The following NMT1 variants were observed in gnomAD, a reference collection of about 807,000 sequenced individuals.
The protein encoded by NMT1 is N-myristoyltransferase 1, also known as glycylpeptide N-tetradecanoyltransferase 1.
NMT1 carries 12 observed loss-of-function variants against 63.4 expected under a neutral mutation model. The ratio of observed to expected loss-of-function variants is 0.19; its 90% CI spans 0.12 to 0.31. NMT1 has a LOEUF of 0.31. Among genes scored for constraint, NMT1 ranks in the 10% least tolerant of loss-of-function variants. The pLI, the probability that NMT1 is intolerant of heterozygous loss-of-function variation, is 1.00. For missense variants in NMT1, 432 were observed against 634.6 expected, an observed-to-expected ratio of 0.68 and a Z score of 3.43; for synonymous variants, 228 against 234.3, an observed-to-expected ratio of 0.97 and a Z score of 0.25.
intron 4 of NMT1, among the ~76,000 whole-genome samples, chr17:45,095,629 G>A (rs765147613): frequency 6.6e-6 from 1 of 152,104 alleles, no homozygotes; most frequent in Admixed American, 6.6e-5. Flanking sequence ...ATAATTAGCC[G>A]GACATGGTAG....
chr17:45,105,784 A>C lies in NMT1; in HGVS notation c.*145A>C. 3 of 743,276 alleles carry C rather than the reference A, an allele frequency of 4.0e-6. No individual in the cohort carries two copies. Among genetic ancestry groups the C allele is most frequent in the Non-Finnish European group, 6.5e-6 (3 of 459,160 alleles). The allele number at this position is 743,276 out of a possible 1,614,324, so 46.0% of individuals were successfully genotyped here. On this transcript the variant is annotated 3_prime_UTR_variant, in exon 12 of 12. Coordinates refer to ENST00000258960, the MANE Select transcript of NMT1 (RefSeq NM_021079.5). The surrounding 1 kb of genome is among the most constrained non-coding windows in gnomAD (Gnocchi z 4.2). ...AACCGGCTTTACCAAACCGCCAGCG[A>C]ACTTGACAATTGTATTGCGATGGCG...
At chr17:45,098,149 TA>T (rs1484830548) in intron 6 of NMT1, among the ~76,000 whole-genome samples, 2 of 152,164 alleles carry the variant, frequency 1.3e-5, no homozygotes, top group Non-Finnish European at 2.9e-5. Flanking sequence ...TACCTTCAAA[TA>T]AAGGTGTTTG....
intron 1 of NMT1, among the ~76,000 whole-genome samples, chr17:45,065,826 T>A (rs1467059846): frequency 6.6e-6 from 1 of 151,648 alleles, no homozygotes; most frequent in Non-Finnish European, 1.5e-5. Flanking sequence ...CTAAAATGTG[T>A]AATATATAAT....
chr17:45,096,147 T>C lies in NMT1; in HGVS notation c.505-47T>C, dbSNP rs1358028347. 4.8e-6 allele frequency: 7 copies of C among 1,446,090 alleles called. No individual in the cohort carries two copies. The African/African-American group carries it at 7.0e-5, about 14-fold the overall frequency. The allele number at this position is 1,446,090 out of a possible 1,614,324, so 89.6% of individuals were successfully genotyped here. On this transcript the variant is annotated intron_variant, in intron 4 of 11. Coordinates refer to ENST00000258960, the MANE Select transcript of NMT1 (RefSeq NM_021079.5). ...GAGCCCCAGGGTATTGGAGTTGGTCTACTACCTGGCAGAATACCTCCAAGT... is the reference window on the plus strand; with the variant it reads ...GAGCCCCAGGGTATTGGAGTTGGTCCACTACCTGGCAGAATACCTCCAAGT...
chr17:45,096,724 C>A (rs1392013173), intron 5 of NMT1, among the ~76,000 whole-genome samples: 2 of 152,160 alleles, frequency 1.3e-5, no homozygotes, highest in Non-Finnish European at 2.9e-5. Context: ...GAGGGACTAC[C>A]TGAAAGGGAA....
Position 45,107,817 on chromosome 17 carries a change from T to G in NMT1, c.*2178T>G, listed in dbSNP as rs1157100100. 4 of 152,324 alleles carry G rather than the reference T, an allele frequency of 2.6e-5. No individual in the cohort carries two copies. Among genetic ancestry groups the G allele is most frequent in the African/African-American group, 9.7e-5 (4 of 41,446 alleles). The allele number at this position is 152,324 out of a possible 1,614,324, so 9.4% of individuals were successfully genotyped here. On this transcript the variant is annotated 3_prime_UTR_variant, in exon 12 of 12. Transcript: ENST00000258960. ...AACGGTGAGGCCCCAGTGGCTGTTC[T>G]GGAAGAAACAGATCTCCTGGCAAAG...
chr17:45,097,524 T>C (rs1422771064), intron 6 of NMT1, among the ~76,000 whole-genome samples: 2 of 152,042 alleles, frequency 1.3e-5, no homozygotes, highest in Non-Finnish European at 2.9e-5. Context: ...TTGTTTATTA[T>C]TTTTTACATT....
In NMT1 at chr17:45,105,728, G is replaced by A. The variant is rs541333000; in HGVS notation, c.*89G>A. ...CACTGTTGGTCCAATTTTCACACAC[G>A]TGAGAATCCCTGGCAAAGGGAGCAG... On this transcript the variant is annotated 3_prime_UTR_variant, in exon 12 of 12. Coordinates refer to ENST00000258960, the MANE Select transcript of NMT1 (RefSeq NM_021079.5). The surrounding 1 kb of genome is among the most constrained non-coding windows in gnomAD (Gnocchi z 4.2). 317 of 1,341,208 alleles carry A rather than the reference G, an allele frequency of 2.4e-4. 2 individuals carry two copies. In the East Asian group the frequency reaches 6.6e-3, roughly 28 times the overall value. 83.1% of individuals were successfully genotyped at this position (1,341,208 alleles called of 1,614,324 possible). A position where few individuals can be genotyped will look rare whatever the true frequency, so the allele number is the denominator to read the frequency against.
At position 45,102,984 on chromosome 17, in the gene NMT1, A is replaced by G. The variant is rs1567872686; in HGVS notation, c.1027A>G (p.Thr343Ala). The change falls in exon 9 of 12, where the codon ACA becomes GCA. Residue 343 changes from threonine (T) to alanine (A), a missense_variant. Thr to Ala is a moderately conservative substitution (Grantham distance 58). This residue lies in a region of NMT1 where 295 missense variants were observed against 489.7 expected (regional missense o/e 0.60). Transcript: ENST00000258960. ...PKTAGLRPME[T>A]KDIPVVHQLL... is the part of the protein sequence containing the mutation. Reference sequence around the variant, plus strand: ...GACAGCTGGGCTGCGACCAATGGAAACAAAGGACATTCCAGTAGTGCACCA... The same window carrying G: ...GACAGCTGGGCTGCGACCAATGGAAGCAAAGGACATTCCAGTAGTGCACCA... The G allele has an allele frequency of 1.2e-6, 2 of 1,613,560 alleles. No homozygotes were observed. Among genetic ancestry groups the G allele is most frequent in the Non-Finnish European group, 1.7e-6 (2 of 1,179,514 alleles).
rs1232426248 is a variant in NMT1, at chr17:45,103,133, AGT to A, written c.1164+14_1164+15del. 1 of 1,602,080 alleles carries A rather than the reference AGT, an allele frequency of 6.2e-7. No homozygotes were observed. Among genetic ancestry groups the A allele is most frequent in the East Asian group, 2.2e-5 (1 of 44,500 alleles). ...CTTTCGTGGTGGAGGTGAGTCAGGG[AGT>A]GGTGTTCCAGGTCTCTAACACGTTC... On this transcript the variant is annotated intron_variant, in intron 9 of 11. Transcript: ENST00000258960. The surrounding 1 kb of genome is among the most constrained non-coding windows in gnomAD (Gnocchi z 4.8).
At chr17:45,080,792 G>A (rs550229444) in intron 1 of NMT1, among the ~76,000 whole-genome samples, 1 of 150,348 alleles carries the variant, frequency 6.7e-6, no homozygotes, top group East Asian at 2.0e-4. Flanking sequence ...TTTGAGACGA[G>A]GTCTGTCTCT....
chr17:45,102,294 G>A (rs150213545), intron 8 of NMT1, among the ~76,000 whole-genome samples: 1,843 of 152,324 alleles, frequency 0.012, 33 homozygotes, highest in African/African-American at 0.041. Flanking sequence ...TACCAGCCCC[G>A]GTATTTGCTC....
chr17:45,062,714 G>A (rs2143440958), intron 1 of NMT1, among the ~76,000 whole-genome samples: 1 of 152,224 alleles, frequency 6.6e-6, no homozygotes, highest in East Asian at 1.9e-4. Context: ...ACACCATATA[G>A]CCTAGGCATT....
chr17:45,072,374 C>T (rs910913206), intron 1 of NMT1, among the ~76,000 whole-genome samples: 7 of 151,612 alleles, frequency 4.6e-5, no homozygotes, highest in African/African-American at 9.7e-5. Context: ...ATTCTTCTGC[C>T]TCAGCCTCCC....
intron 4 of NMT1, 85 bp downstream of exon 4, chr17:45,093,888 T>A (rs1166763359): frequency 2.3e-5 from 26 of 1,139,808 alleles, no homozygotes; most frequent in Non-Finnish European, 3.3e-5. Context: ...CTACGTTTAC[T>A]CGAGCCCTAG....
intron 1 of NMT1, among the ~76,000 whole-genome samples, chr17:45,063,246 AG>A: frequency 6.6e-6 from 1 of 151,190 alleles, no homozygotes; most frequent in South Asian, 2.1e-4. Flanking sequence ...AAGAAAGTAG[AG>A]GAATAGGAAG....
At chr17:45,066,437 C>T (rs1367059098) in intron 1 of NMT1, among the ~76,000 whole-genome samples, 2 of 152,060 alleles carry the variant, frequency 1.3e-5, no homozygotes, top group African/African-American at 2.4e-5. Context: ...GTAATTAAAT[C>T]AGCATAAACA....
In NMT1 at chr17:45,093,797, T is replaced by G. The variant is rs1221407945; in HGVS notation, c.498T>G (p.Arg166=). ...GGGATGCTTTGGACCTGGGCGATCG[T>G]GGTGTGGTGAGTGGGCCCTCAGAAG... ...FTWDALDLGD[R]GVLKELYTLL... The change falls in exon 4 of 12, where the codon CGT becomes CGG. Residue 166 remains arginine, a synonymous_variant. Coordinates refer to ENST00000258960, the MANE Select transcript of NMT1 (RefSeq NM_021079.5). 6.2e-7 allele frequency: 1 copy of G among 1,613,890 alleles called. No homozygotes were observed. The highest frequency in any genetic ancestry group is 1.3e-5 in the African/African-American group (1 of 75,060).
At chr17:45,073,548 A>G (rs1419549062) in intron 1 of NMT1, among the ~76,000 whole-genome samples, 3 of 152,240 alleles carry the variant, frequency 2.0e-5, no homozygotes, top group South Asian at 2.1e-4. Flanking sequence ...ACATCAGAGA[A>G]CTAGAATAGT....
Sources: allele counts gnomAD v4.1 joint callset (sites outside exome capture counted in the v4.1 genomes callset), GRCh38; gene constraint gnomAD v4.1.1; regional missense constraint gnomAD v4.1.1; non-coding constraint Gnocchi (gnomAD v3.1); transcripts MANE v1.5; gene names NCBI Gene and HGNC (gene_info 2026-07-23, HGNC 2026-07-21).